MEF2A: variants seen among roughly 807,000 people sequenced by gnomAD.
MEF2A encodes the protein myocyte-specific enhancer factor 2A.
MEF2A carries 28 observed loss-of-function variants against 55.8 expected under a neutral mutation model. That is an observed-to-expected ratio of 0.50 (90% CI 0.37 to 0.69). MEF2A has a LOEUF of 0.69. MEF2A is among the 30% of genes least tolerant of loss of function. The probability of loss-of-function intolerance (pLI) is 0.00; values close to 1 mark genes in which losing one functional copy is unlikely to be tolerated. For synonymous variants in MEF2A, 239 were observed against 227.1 expected, an observed-to-expected ratio of 1.05 and a Z score of -0.47; for missense variants, 528 against 626.2, an observed-to-expected ratio of 0.84 and a Z score of 1.67.
intron 4 of MEF2A, among the ~76,000 whole-genome samples, chr15:99,667,865 C>T (rs1007514947): frequency 6.6e-6 from 1 of 152,156 alleles, no homozygotes; most frequent in African/African-American, 2.4e-5. Context: ...CCCCTAGAAT[C>T]AGATAACTTG....
At chr15:99,628,427 C>G (rs1415883700) in intron 2 of MEF2A, among the ~76,000 whole-genome samples, 1 of 152,038 alleles carries the variant, frequency 6.6e-6, no homozygotes, top group East Asian at 1.9e-4. Flanking sequence ...TTAGTTTAAT[C>G]CTATTTAATG....
chr15:99,597,729 T>C (rs183694515), intron 1 of MEF2A, among the ~76,000 whole-genome samples: 1 of 152,258 alleles, frequency 6.6e-6, no homozygotes, highest in Admixed American at 6.5e-5. Flanking sequence ...GCTTTAAAAT[T>C]TCTCTCTTTT....
Position 99,713,539 on chromosome 15 carries a change from CAT to C in MEF2A, c.*771_*772del, listed in dbSNP as rs2058869985. The C allele has an allele frequency of 6.6e-6, 1 of 152,092 alleles. No homozygotes were observed. Among genetic ancestry groups the C allele is most frequent in the African/African-American group, 2.4e-5 (1 of 41,422 alleles). The allele number at this position is 152,092 out of a possible 1,614,324, so 9.4% of individuals were successfully genotyped here. A position where few individuals can be genotyped will look rare whatever the true frequency, so the allele number is the denominator to read the frequency against. On this transcript the variant is annotated 3_prime_UTR_variant, in exon 12 of 12. Coordinates refer to ENST00000557942, the MANE Select transcript of MEF2A (RefSeq NM_001319206.4). ...TATGTCAGAAGTTTCTTTTTACATT[CAT>C]ATCTTAAAAATTAAAGAAACTGATT...
rs1448652619 is a variant in MEF2A at position 99,645,683 on chromosome 15, C to T, written c.177C>T (p.Ser59=). ...CTAACAAACTGTTTCAATATGCTAG[C>T]ACTGATATGGACAAAGTTCTTCTCA... The part of the protein sequence containing the change: ...NSSNKLFQYA[S]TDMDKVLLKY... The change falls in exon 4 of 12, where the codon AGC becomes AGT. Residue 59 remains serine, a synonymous_variant. Coordinates refer to ENST00000557942, the MANE Select transcript of MEF2A (RefSeq NM_001319206.4). The T allele has an allele frequency of 1.9e-6, 3 of 1,613,326 alleles. No homozygotes were observed. Among genetic ancestry groups the T allele is most frequent in the Non-Finnish European group, 2.5e-6 (3 of 1,179,588 alleles).
Position 99,712,418 on chromosome 15 carries a change from A to G in MEF2A, c.1165A>G (p.Asn389Asp). The G allele has an allele frequency of 6.5e-7, 1 of 1,541,798 alleles. No individual in the cohort carries two copies. The highest frequency in any genetic ancestry group is 8.8e-7 in the Non-Finnish European group (1 of 1,138,926). The change falls in exon 12 of 12, where the codon AAT (asparagine) becomes GAT (aspartate). Residue 389 changes from asparagine to aspartate, a missense_variant. Asn to Asp is a conservative substitution (Grantham distance 23). This residue lies in a region of MEF2A where 450 missense variants were observed against 475.3 expected (regional missense o/e 0.95). Transcript: ENST00000557942. This position sits in a 1 kb window ranked among gnomAD's most constrained non-coding sequence, Gnocchi z 4.1. ...VAGGQLSQGS[N>D]LSINTNQNIS... Reference sequence around the variant, plus strand: ...TGGAGGGCAGTTATCTCAGGGTTCCAATTTATCCATTAATACCAACCAAAA... The same window carrying G: ...TGGAGGGCAGTTATCTCAGGGTTCCGATTTATCCATTAATACCAACCAAAA...
At chr15:99,599,884 A>C (rs1459343405) in intron 2 of MEF2A, among the ~76,000 whole-genome samples, 1 of 152,136 alleles carries the variant, frequency 6.6e-6, no homozygotes, top group East Asian at 1.9e-4. Flanking sequence ...CACCAATAAA[A>C]AATTTTACAT....
At chr15:99,649,255 A>G (rs1318827736) in intron 4 of MEF2A, among the ~76,000 whole-genome samples, 1 of 152,180 alleles carries the variant, frequency 6.6e-6, no homozygotes, top group African/African-American at 2.4e-5. Flanking sequence ...AGCTGAATAT[A>G]TGATAAAGCA....
At chr15:99,577,582 A>G (rs1964699554) in intron 1 of MEF2A, among the ~76,000 whole-genome samples, 1 of 152,238 alleles carries the variant, frequency 6.6e-6, no homozygotes, top group South Asian at 2.1e-4. Flanking sequence ...CATAATGTAA[A>G]TGCCAAAACC....
intron 1 of MEF2A, among the ~76,000 whole-genome samples, chr15:99,576,726 C>T (rs1340165475): frequency 6.6e-6 from 1 of 151,536 alleles, no homozygotes; most frequent in Admixed American, 6.6e-5. Flanking sequence ...CTGCAAGCTC[C>T]GCCTCCCAGG....
At chr15:99,604,015 G>C (rs1974229400) in intron 2 of MEF2A, among the ~76,000 whole-genome samples, 1 of 152,088 alleles carries the variant, frequency 6.6e-6, no homozygotes, top group African/African-American at 2.4e-5. Context: ...TTGTGAAATA[G>C]TTTGCATAGT....
intron 8 of MEF2A, among the ~76,000 whole-genome samples, chr15:99,699,185 C>T (rs150834417): frequency 2.6e-5 from 4 of 152,216 alleles, no homozygotes. Flanking sequence ...AACACTGAAA[C>T]TAGCCTAGAT....
In MEF2A at chr15:99,710,683, G is replaced by T. The variant is rs572494865; in HGVS notation, c.1059G>T (p.Ser353=). The change falls in exon 11 of 12, where the codon TCG becomes TCT. Residue 353 remains serine, a synonymous_variant. Transcript: ENST00000557942. ...TGTCAGCCCTTCAAGGCTTCAACTC[G>T]CCAGGAATGCTGTCGCTGGGACAGG... ...ADLSALQGFN[S]PGMLSLGQVS... 3 of 1,613,440 alleles carry T rather than the reference G, an allele frequency of 1.9e-6. No individual in the cohort carries two copies. Among genetic ancestry groups the T allele is most frequent in the Non-Finnish European group, 1.7e-6 (2 of 1,179,526 alleles).
rs180896002 is a variant in MEF2A, at chr15:99,690,010, T to C, written c.671-231T>C. ...CTGACGTGATTCTCAGAAGTGTCAA[T>C]TGGAGGATTTTGGATTTTCAGGTTT... On this transcript the variant is annotated intron_variant, in intron 7 of 11. Transcript: ENST00000557942. Among the ~76,000 whole-genome samples the C allele has an allele frequency of 2.6e-5, 4 of 152,312 alleles. No homozygotes were observed. The East Asian group carries it at 7.7e-4, about 29-fold the overall frequency.
chr15:99,661,482 T>C (rs2048631396), intron 4 of MEF2A, among the ~76,000 whole-genome samples: 1 of 151,552 alleles, frequency 6.6e-6, no homozygotes, highest in South Asian at 2.1e-4. Context: ...GCCAAGGGCT[T>C]ACATTGACTA....
At chr15:99,671,594 A>G (rs895552794) in intron 5 of MEF2A, 140 bp downstream of exon 5, 3 of 1,604,020 alleles carry the variant, frequency 1.9e-6, no homozygotes, top group Middle Eastern at 1.7e-4. Context: ...CTCCACATAC[A>G]GAAGAAAAAT....
At chr15:99,611,278 A>C (rs1977197956) in intron 2 of MEF2A, among the ~76,000 whole-genome samples, 1 of 152,208 alleles carries the variant, frequency 6.6e-6, no homozygotes, top group Non-Finnish European at 1.5e-5. Context: ...GAGTGGGAGA[A>C]GGTATTTACA....
intron 8 of MEF2A, among the ~76,000 whole-genome samples, chr15:99,691,100 GTT>G (rs3979130): frequency 7.3e-5 from 9 of 122,892 alleles, no homozygotes; most frequent in African/African-American, 2.1e-4. Flanking sequence ...TTCGAATCAG[GTT>G]TTTTTTTTTT....
At chr15:99,597,561 C>G (rs1971634483) in intron 1 of MEF2A, among the ~76,000 whole-genome samples, 1 of 152,122 alleles carries the variant, frequency 6.6e-6, no homozygotes. Context: ...CTTGCCTTGT[C>G]ATATTCTATT....
Position 99,714,014 on chromosome 15 carries a change from T to C in MEF2A, c.*1243T>C, listed in dbSNP as rs2058916943. 1 of 152,236 alleles carries C rather than the reference T, an allele frequency of 6.6e-6. No homozygotes were observed. Among genetic ancestry groups the C allele is most frequent in the Admixed American group, 6.5e-5 (1 of 15,286 alleles). The allele number at this position is 152,236 out of a possible 1,614,324, so 9.4% of individuals were successfully genotyped here. A position where few individuals can be genotyped will look rare whatever the true frequency, so the allele number is the denominator to read the frequency against. On this transcript the variant is annotated 3_prime_UTR_variant, in exon 12 of 12. Transcript: ENST00000557942. ...TTAATATTTACTATTTTGTTAAATATACTGTACTTTGGATTTTAATTATTA... is the reference window on the plus strand; with the variant it reads ...TTAATATTTACTATTTTGTTAAATACACTGTACTTTGGATTTTAATTATTA...
Sources: gnomAD v4.1 joint callset for allele counts (sites outside exome capture counted in the v4.1 genomes callset) on GRCh38, gnomAD v4.1.1 for gene constraint, gnomAD v4.1.1 regional missense constraint, Gnocchi (gnomAD v3.1) non-coding constraint, MANE v1.5 for transcripts, NCBI Gene and HGNC (gene_info 2026-07-23, HGNC 2026-07-21) for gene names.